The following TMEM132D variants were observed in gnomAD, a reference collection of about 807,000 sequenced individuals.
The protein encoded by TMEM132D is transmembrane protein 132D, also known as mature OL transmembrane protein.
TMEM132D carries 21 observed loss-of-function variants against 62.3 expected under a neutral mutation model. That is an observed-to-expected ratio of 0.34 (90% confidence interval 0.24 to 0.49). The LOEUF is 0.49. Ranked by LOEUF, TMEM132D falls within the 20% of genes least tolerant of loss-of-function variation. The probability of loss-of-function intolerance (pLI) is 0.99; values close to 1 mark genes in which losing one functional copy is unlikely to be tolerated. For synonymous variants in TMEM132D, 621 were observed against 575.6 expected, an observed-to-expected ratio of 1.08 and a Z score of -1.13; for missense variants, 1,346 against 1,402.8, an observed-to-expected ratio of 0.96 and a Z score of 0.65.
chr12:129,502,278 C>T (rs1396211956), intron 3 of TMEM132D, among the ~76,000 whole-genome samples: 1 of 152,148 alleles, frequency 6.6e-6, no homozygotes, highest in African/African-American at 2.4e-5. Flanking sequence ...GGATTACAAG[C>T]GTGAGCCACG....
intron 4 of TMEM132D, among the ~76,000 whole-genome samples, chr12:129,290,672 G>C (rs749695043): frequency 4.6e-5 from 7 of 152,168 alleles, no homozygotes; most frequent in Non-Finnish European, 8.8e-5. Context: ...AGGGGACAAG[G>C]TTTCAGGATG....
At chr12:129,787,249 A>C (rs1871270788) in intron 1 of TMEM132D, among the ~76,000 whole-genome samples, 1 of 152,160 alleles carries the variant, frequency 6.6e-6, no homozygotes, top group Non-Finnish European at 1.5e-5. Flanking sequence ...ATAGTTGATC[A>C]AAGTCAGGAG....
At chr12:129,188,796 A>T (rs1030113058) in intron 5 of TMEM132D, among the ~76,000 whole-genome samples, 3 of 133,198 alleles carry the variant, frequency 2.3e-5, no homozygotes, top group African/African-American at 8.2e-5. Flanking sequence ...AGAGAGAGAG[A>T]GAGAAAGAGA....
At chr12:129,701,532 T>C (rs1183871267) in intron 1 of TMEM132D, among the ~76,000 whole-genome samples, 1 of 152,230 alleles carries the variant, frequency 6.6e-6, no homozygotes. Context: ...AGCCACATCC[T>C]GTGGACACTA....
Position 129,686,522 on chromosome 12 carries a change from T to A in TMEM132D, c.968+13288A>T, listed in dbSNP as rs186919383. Among the ~76,000 whole-genome samples the A allele has an allele frequency of 5.8e-3, 891 of 152,324 alleles. 2 individuals are homozygous for A. Among genetic ancestry groups the A allele is most frequent in the Middle Eastern group, 0.01 (3 of 294 alleles). ...GAGTCAATTAAACCTCTTTCCTTTA[T>A]AAATTACCCAGTCTTGGGCAGTTCT... On this transcript the variant is annotated intron_variant, in intron 2 of 8. Coordinates refer to ENST00000422113, the MANE Select transcript of TMEM132D (RefSeq NM_133448.3).
intron 2 of TMEM132D, among the ~76,000 whole-genome samples, chr12:129,615,640 T>C (rs540400905): frequency 6.7e-6 from 1 of 148,184 alleles, no homozygotes; most frequent in Admixed American, 6.7e-5. Flanking sequence ...GGTGTGGTGG[T>C]GTATGCCTGT....
chr12:129,252,393 C>A (rs1415915150), intron 4 of TMEM132D, among the ~76,000 whole-genome samples: 1 of 152,034 alleles, frequency 6.6e-6, no homozygotes, highest in Non-Finnish European at 1.5e-5. Flanking sequence ...ATGAGTTTTG[C>A]TCCTCAAGGT....
chr12:129,174,134 T>C lies in TMEM132D; in HGVS notation c.1443+35386A>G, dbSNP rs148671334. On this transcript the variant is annotated intron_variant, in intron 5 of 8. Coordinates refer to ENST00000422113, the MANE Select transcript of TMEM132D (RefSeq NM_133448.3). The stretch of plus-strand genomic sequence containing the variant: ...TTTTATTTTACCTTAAGTTGCAGGA[T>C]ACATGTGCAGAACATGCAGGTTTGT... 8.2e-4 allele frequency among the ~76,000 whole-genome samples: 125 copies of C among 152,292 alleles called. No homozygotes were observed. The East Asian group carries it at 0.023, about 28-fold the overall frequency.
chr12:129,388,623 T>A (rs527916207), intron 3 of TMEM132D, among the ~76,000 whole-genome samples: 3 of 124,018 alleles, frequency 2.4e-5, no homozygotes, highest in Non-Finnish European at 5.6e-5. Flanking sequence ...CCAGCACTGA[T>A]GATAATATTA....
intron 1 of TMEM132D, among the ~76,000 whole-genome samples, chr12:129,786,996 GAAT>G (rs74263785): frequency 0.059 from 9,052 of 152,268 alleles, 316 homozygotes; most frequent in East Asian, 0.1. Flanking sequence ...GCAAGTTGCA[GAAT>G]GATGAGGGGC....
intron 3 of TMEM132D, among the ~76,000 whole-genome samples, chr12:129,456,580 T>A (rs559713028): frequency 2.5e-4 from 38 of 152,282 alleles, no homozygotes; most frequent in African/African-American, 8.9e-4. Flanking sequence ...TGTTCTTTGT[T>A]CACAAAATTG....
At chr12:129,673,042 C>G (rs939305926) in intron 2 of TMEM132D, among the ~76,000 whole-genome samples, 2 of 152,232 alleles carry the variant, frequency 1.3e-5, no homozygotes, top group African/African-American at 2.4e-5. Flanking sequence ...GGCACCACAT[C>G]CGGCCAGTTC....
chr12:129,369,328 TA>T (rs984559231), intron 3 of TMEM132D, among the ~76,000 whole-genome samples: 3 of 151,516 alleles, frequency 2.0e-5, no homozygotes, highest in Admixed American at 2.0e-4. Flanking sequence ...TCCACCTCTT[TA>T]AAATTTCACT....
intron 3 of TMEM132D, among the ~76,000 whole-genome samples, chr12:129,348,533 C>A (rs1469980485): frequency 6.6e-6 from 1 of 152,070 alleles, no homozygotes; most frequent in African/African-American, 2.4e-5. Context: ...GGGAGGGGAA[C>A]ATCACCCACC....
rs1881239895 is a variant in TMEM132D at position 129,284,547 on chromosome 12, A to T, written c.1299+53087T>A. Among the ~76,000 whole-genome samples the T allele has an allele frequency of 2.6e-5, 4 of 152,346 alleles. No individual in the cohort carries two copies. In the South Asian group the frequency reaches 8.3e-4, roughly 32 times the overall value. On this transcript the variant is annotated intron_variant, in intron 4 of 8. Coordinates refer to ENST00000422113, the MANE Select transcript of TMEM132D (RefSeq NM_133448.3). ...GGAATATGGATTCGTATTTGTCCCC[A>T]CAATTCCATGACAAGGTATATACCC... is the stretch of plus-strand genomic sequence containing the variant.
intron 3 of TMEM132D, among the ~76,000 whole-genome samples, chr12:129,363,064 T>C (rs1368489984): frequency 1.3e-5 from 2 of 152,246 alleles, no homozygotes; most frequent in African/African-American, 4.8e-5. Context: ...TCTTTGTTTA[T>C]TGTGTTAGTA....
rs1482289750 is a variant in TMEM132D, at chr12:129,571,087, T to C, written c.969-39882A>G. On this transcript the variant is annotated intron_variant, in intron 2 of 8. Coordinates refer to ENST00000422113, the MANE Select transcript of TMEM132D (RefSeq NM_133448.3). ...GAGATAATTCTATGCCATCTGAATGTAGCCATACGTTAGAGGTAATTCTAT... is the reference window on the plus strand; with the variant it reads ...GAGATAATTCTATGCCATCTGAATGCAGCCATACGTTAGAGGTAATTCTAT... Among the ~76,000 whole-genome samples the C allele has an allele frequency of 2.0e-5, 3 of 152,208 alleles. No individual in the cohort carries two copies. The East Asian group carries it at 5.8e-4, about 29-fold the overall frequency.
intron 2 of TMEM132D, among the ~76,000 whole-genome samples, chr12:129,593,057 G>C (rs1389892627): frequency 2.0e-5 from 3 of 152,048 alleles, no homozygotes. Context: ...AGACCTATGA[G>C]GTTCAGGTTT....
At chr12:129,338,761 A>T (rs577162660) in intron 3 of TMEM132D, among the ~76,000 whole-genome samples, 2 of 152,234 alleles carry the variant, frequency 1.3e-5, no homozygotes, top group Admixed American at 1.3e-4. Context: ...GAACTCTGAC[A>T]TGTAGGAGAA....
Sources: gnomAD v4.1 joint callset for allele counts (sites outside exome capture counted in the v4.1 genomes callset) on GRCh38, gnomAD v4.1.1 for gene constraint, MANE v1.5 for transcripts, NCBI Gene and HGNC (gene_info 2026-07-23, HGNC 2026-07-21) for gene names.